The following PLEKHA3 variants were observed in gnomAD, a reference collection of about 807,000 sequenced individuals.
PLEKHA3 encodes the protein pleckstrin homology domain containing A3.
In PLEKHA3, 19 loss-of-function variants were observed where a neutral mutation model predicts 39.2. The ratio of observed to expected loss-of-function variants is 0.48; its 90% confidence interval spans 0.34 to 0.71. PLEKHA3 has a LOEUF of 0.71. Among genes scored for constraint, PLEKHA3 ranks in the 30% least tolerant of loss-of-function variants. The pLI, the probability that PLEKHA3 is intolerant of heterozygous loss-of-function variation, is 0.01. For missense variants in PLEKHA3, 253 were observed against 359.5 expected, an observed-to-expected ratio of 0.70 and a Z score of 2.40; for synonymous variants, 97 against 118.6, an observed-to-expected ratio of 0.82 and a Z score of 1.18.
At position 178,484,918 on chromosome 2, in the gene PLEKHA3, T is replaced by C. The variant is rs533774971; in HGVS notation, c.41-723T>C. On this transcript the variant is annotated intron_variant, in intron 1 of 7. Coordinates refer to ENST00000234453, the MANE Select transcript of PLEKHA3 (RefSeq NM_019091.4). ...CACTGAATAAATATCAATCGAACAA[T>C]TGCAGTTTCTAGGATTTCAACCCTA... is the stretch of plus-strand genomic sequence containing the variant. Among the ~76,000 whole-genome samples the C allele has an allele frequency of 3.9e-5, 6 of 152,300 alleles. No homozygotes were observed. The South Asian group carries it at 1.0e-3, about 26-fold the overall frequency.
rs532505958 is a variant in PLEKHA3, at chr2:178,509,850, T to C, written c.*5963T>C. On this transcript the variant is annotated 3_prime_UTR_variant, in exon 8 of 8. Coordinates refer to ENST00000234453, the MANE Select transcript of PLEKHA3 (RefSeq NM_019091.4). ...TTCACCATAGGAAGAATTACTAATATATGGGAAAATCTAGTGTTTGATAAT... is the reference window on the plus strand; with the variant it reads ...TTCACCATAGGAAGAATTACTAATACATGGGAAAATCTAGTGTTTGATAAT... 1.3e-5 allele frequency: 2 copies of C among 152,164 alleles called. No homozygotes were observed. Among genetic ancestry groups the C allele is most frequent in the Non-Finnish European group, 2.9e-5 (2 of 68,046 alleles). 9.4% of individuals were successfully genotyped at this position (152,164 alleles called of 1,614,324 possible).
intron 6 of PLEKHA3, 79 bp downstream of exon 6, chr2:178,499,333 G>C: frequency 7.1e-7 from 1 of 1,417,080 alleles, no homozygotes. Context: ...TTAACAAGTG[G>C]TGTGGAATGT....
chr2:178,492,092 T>C (rs1685357428), intron 3 of PLEKHA3, among the ~76,000 whole-genome samples: 2 of 152,208 alleles, frequency 1.3e-5, no homozygotes, highest in African/African-American at 2.4e-5. Context: ...AGTACAGTTA[T>C]TTGATTTTTC....
chr2:178,492,812 G>A (rs987824125), intron 3 of PLEKHA3, among the ~76,000 whole-genome samples: 9 of 152,282 alleles, frequency 5.9e-5, no homozygotes, highest in African/African-American at 1.4e-4. Flanking sequence ...AGATGAAGAC[G>A]TTCTGGAGAT....
chr2:178,483,665 C>T (rs1002779352), intron 1 of PLEKHA3, among the ~76,000 whole-genome samples: 21 of 152,156 alleles, frequency 1.4e-4, no homozygotes, highest in Non-Finnish European at 4.4e-5. Context: ...CCACCCCCTG[C>T]TTATAATTTG....
At chr2:178,491,349 G>T (rs1685344980) in intron 3 of PLEKHA3, among the ~76,000 whole-genome samples, 1 of 152,212 alleles carries the variant, frequency 6.6e-6, no homozygotes, top group South Asian at 2.1e-4. Context: ...TAGACAGTAA[G>T]ATGTTGAAAA....
At chr2:178,490,564 A>G in intron 2 of PLEKHA3, 95 bp from the exon 3 acceptor site, 1 of 1,267,728 alleles carries the variant, frequency 7.9e-7, no homozygotes, top group Non-Finnish European at 1.1e-6. Context: ...TTTTTGGTAT[A>G]TGAAGCATCT....
chr2:178,489,957 C>T (rs985796596), intron 2 of PLEKHA3, among the ~76,000 whole-genome samples: 6 of 152,274 alleles, frequency 3.9e-5, no homozygotes, highest in Admixed American at 3.9e-4. Context: ...CCTCTATCTT[C>T]TCTTCTACTA....
chr2:178,503,628 C>T, intron 7 of PLEKHA3, 132 bp from the exon 8 acceptor site: 1 of 922,620 alleles, frequency 1.1e-6, no homozygotes, highest in Non-Finnish European at 1.6e-6. Context: ...ATGAAACAAA[C>T]AAGGAAATAC....
At position 178,514,351 on chromosome 2, in the gene PLEKHA3, AAC is replaced by A. The variant is rs1313842300; in HGVS notation, c.*10465_*10466del. On this transcript the variant is annotated 3_prime_UTR_variant, in exon 8 of 8. Coordinates refer to ENST00000234453, the MANE Select transcript of PLEKHA3 (RefSeq NM_019091.4). ...GGGTGTGGGGAATGGTGGCAGGGGT[AAC>A]TATCATCGAGAATATAGGGCAATGG... 1 of 152,150 alleles carries A rather than the reference AAC, an allele frequency of 6.6e-6. No homozygotes were observed. Among genetic ancestry groups the A allele is most frequent in the Non-Finnish European group, 1.5e-5 (1 of 68,020 alleles). The allele number at this position is 152,150 out of a possible 1,614,324, so 9.4% of individuals were successfully genotyped here.
chr2:178,515,712 A>AT lies in PLEKHA3; in HGVS notation c.*11832dup, dbSNP rs1471880161. 1 of 151,574 alleles carries AT rather than the reference A, an allele frequency of 6.6e-6. No individual in the cohort carries two copies. The highest frequency in any genetic ancestry group is 1.5e-5 in the Non-Finnish European group (1 of 67,834). The allele number at this position is 151,574 out of a possible 1,614,324, so 9.4% of individuals were successfully genotyped here. A position where few individuals can be genotyped will look rare whatever the true frequency, so the allele number is the denominator to read the frequency against. The stretch of plus-strand genomic sequence containing the variant: ...TTTGCTTTCTAATTATTTTTTTGTA[A>AT]TTTTTTTGCTTTCTAATTCTTGAGT... On this transcript the variant is annotated 3_prime_UTR_variant, in exon 8 of 8. Transcript: ENST00000234453.
intron 5 of PLEKHA3, 134 bp from the exon 6 acceptor site, chr2:178,499,077 T>G: frequency 1.4e-6 from 1 of 689,800 alleles, no homozygotes; most frequent in South Asian, 2.3e-5. Context: ...TGTGAAAGAT[T>G]AAATTTTTTT....
At position 178,503,844 on chromosome 2, in the gene PLEKHA3, A is replaced by G. The variant is rs750141403; in HGVS notation, c.860A>G (p.Lys287Arg). Residue 287 changes from lysine (K) to arginine (R), a missense_variant, in exon 8 of 8, where the codon AAA becomes AGA. By Grantham distance (26) the Lys-to-Arg change is conservative. Coordinates refer to ENST00000234453, the MANE Select transcript of PLEKHA3 (RefSeq NM_019091.4). The stretch of plus-strand genomic sequence containing the variant: ...GAAGAAAGCAGACTTATGGCCAAAA[A>G]ACAATCTGAATCAGAAGATACTCTT... ...IPEESRLMAKKQSESEDTLPS... is the reference protein window; with the variant it reads ...IPEESRLMAKRQSESEDTLPS... 2 of 1,611,884 alleles carry G rather than the reference A, an allele frequency of 1.2e-6. No individual in the cohort carries two copies. Among genetic ancestry groups the G allele is most frequent in the Non-Finnish European group, 1.7e-6 (2 of 1,178,320 alleles).
In PLEKHA3 at chr2:178,509,554, T is replaced by C. The variant is rs2154128224; in HGVS notation, c.*5667T>C. The C allele has an allele frequency of 6.6e-6, 1 of 151,890 alleles. No homozygotes were observed. The highest frequency in any genetic ancestry group is 2.1e-4 in the South Asian group (1 of 4,796). The allele number at this position is 151,890 out of a possible 1,614,324, so 9.4% of individuals were successfully genotyped here. On this transcript the variant is annotated 3_prime_UTR_variant, in exon 8 of 8. Transcript: ENST00000234453. The stretch of plus-strand genomic sequence containing the variant: ...GTATAGTGGAGTGATCTCAGCTCAC[T>C]GCAGTCTCGACCTCCCAGGCTCAAA...
At chr2:178,495,757 G>C (rs1397409878) in intron 5 of PLEKHA3, 97 bp downstream of exon 5, 4 of 1,325,298 alleles carry the variant, frequency 3.0e-6, no homozygotes, top group South Asian at 2.9e-5. Context: ...GAAGCAGGCA[G>C]TTGGGGGGCG....
intron 2 of PLEKHA3, among the ~76,000 whole-genome samples, chr2:178,489,712 C>T (rs1016604951): frequency 2.0e-5 from 3 of 152,108 alleles, no homozygotes; most frequent in Non-Finnish European, 4.4e-5. Flanking sequence ...ATTCTCAGTA[C>T]ATTCTGTGTT....
intron 7 of PLEKHA3, among the ~76,000 whole-genome samples, chr2:178,501,626 T>C (rs1053333743): frequency 6.6e-6 from 1 of 152,016 alleles, no homozygotes; most frequent in African/African-American, 2.4e-5. Context: ...GTAGCATTCA[T>C]TCCTCTACCT....
rs1393313362 is a variant in PLEKHA3 at position 178,506,179 on chromosome 2, G to T, written c.*2292G>T. On this transcript the variant is annotated 3_prime_UTR_variant, in exon 8 of 8. Coordinates refer to ENST00000234453, the MANE Select transcript of PLEKHA3 (RefSeq NM_019091.4). ...ATAGAAAAATTATTGGTTATTATTA[G>T]TTATTAGTAGTCCCTTTTTTTTGCT... 1 of 152,048 alleles carries T rather than the reference G, an allele frequency of 6.6e-6. No homozygotes were observed. The highest frequency in any genetic ancestry group is 2.1e-4 in the South Asian group (1 of 4,826). 9.4% of individuals were successfully genotyped at this position (152,048 alleles called of 1,614,324 possible). A position where few individuals can be genotyped will look rare whatever the true frequency, so the allele number is the denominator to read the frequency against.
rs932761964 is a variant in PLEKHA3, at chr2:178,509,474, A to G, written c.*5587A>G. The G allele has an allele frequency of 6.7e-6, 1 of 150,234 alleles. No homozygotes were observed. The highest frequency in any genetic ancestry group is 2.4e-5 in the African/African-American group (1 of 40,958). The allele number at this position is 150,234 out of a possible 1,614,324, so 9.3% of individuals were successfully genotyped here. On this transcript the variant is annotated 3_prime_UTR_variant, in exon 8 of 8. Transcript: ENST00000234453. ...TACTATCATTATTATTATTACTACT[A>G]TCAGTTTTTTTTTTTTTTTCTGAGA... is the stretch of plus-strand genomic sequence containing the variant.
Sources: allele counts gnomAD v4.1 joint callset (sites outside exome capture counted in the v4.1 genomes callset), GRCh38; gene constraint gnomAD v4.1.1; transcripts MANE v1.5; gene names NCBI Gene and HGNC (gene_info 2026-07-23, HGNC 2026-07-21).